The following DPF3 variants were observed in gnomAD, a reference collection of about 807,000 sequenced individuals.
DPF3 encodes the protein double PHD fingers 3, also known as zinc finger protein DPF3.
Under a neutral mutation model 56.8 loss-of-function variants are expected in DPF3, and 18 were observed. That is an observed-to-expected ratio of 0.32 (90% confidence interval 0.22 to 0.47). The LOEUF (loss-of-function observed/expected upper bound fraction) is 0.47, where lower values mean the gene tolerates loss of function less well. DPF3 is among the 20% of genes least tolerant of loss of function. The pLI, the probability that DPF3 is intolerant of heterozygous loss-of-function variation, is 1.00. For missense variants in DPF3, 403 were observed against 488.8 expected (o/e 0.82, Z 1.65); for synonymous variants, 188 against 180.2 (o/e 1.04, Z -0.35).
intron 1 of DPF3, among the ~76,000 whole-genome samples, chr14:72,878,059 C>A (rs1370136056): frequency 6.6e-6 from 1 of 152,122 alleles, no homozygotes; most frequent in Non-Finnish European, 1.5e-5. Flanking sequence ...TCCTGCAGCC[C>A]ATATTTGGCA....
intron 5 of DPF3, among the ~76,000 whole-genome samples, chr14:72,718,961 G>A (rs1328142789): frequency 6.6e-5 from 10 of 151,426 alleles, no homozygotes; most frequent in South Asian, 2.1e-4. Flanking sequence ...TAGTAGAGAC[G>A]GGGTTTCACA....
At chr14:72,662,017 A>C in intron 8 of DPF3, 1 of 985,160 alleles carries the variant, frequency 1.0e-6, no homozygotes, top group South Asian at 4.7e-5. Flanking sequence ...TGACATTCAG[A>C]TAAAAGGGGC....
intron 6 of DPF3, among the ~76,000 whole-genome samples, chr14:72,711,651 A>G (rs1567208142): frequency 6.6e-6 from 1 of 152,088 alleles, no homozygotes; most frequent in Non-Finnish European, 1.5e-5. Flanking sequence ...TCAACCAAGA[A>G]TATATGGGAT....
intron 9 of DPF3, among the ~76,000 whole-genome samples, chr14:72,626,714 C>T (rs935279641): frequency 3.9e-5 from 6 of 152,056 alleles, no homozygotes; most frequent in African/African-American, 1.2e-4. Context: ...AATGCTTAGT[C>T]AAAAGTTAAG....
At chr14:72,832,150 G>A (rs12431975) in intron 1 of DPF3, among the ~76,000 whole-genome samples, 19,808 of 152,144 alleles carry the variant, frequency 0.13, 1,529 homozygotes, top group African/African-American at 0.2. Context: ...CCAGGAGTTC[G>A]AGGCTGCAAT....
chr14:72,879,659 A>G (rs1412504265), intron 1 of DPF3: 9 of 1,003,020 alleles, frequency 9.0e-6, no homozygotes, highest in Non-Finnish European at 1.1e-5. Context: ...GCCTGCCCAG[A>G]GGAAACCGCC....
chr14:72,824,561 T>TTTTGTTTG (rs1555510675), intron 1 of DPF3, among the ~76,000 whole-genome samples: 1 of 151,384 alleles, frequency 6.6e-6, no homozygotes, highest in Non-Finnish European at 1.5e-5. Flanking sequence ...CTTTTTTTTT[T>TTTTGTTTG]TTTGTTTGTT....
chr14:72,862,531 A>C (rs1885479353), intron 1 of DPF3, among the ~76,000 whole-genome samples: 1 of 152,172 alleles, frequency 6.6e-6, no homozygotes, highest in Admixed American at 6.6e-5. Flanking sequence ...TCAACTCAGC[A>C]GCCAGAGTGA....
intron 8 of DPF3, among the ~76,000 whole-genome samples, chr14:72,647,442 A>G (rs1289628611): frequency 1.3e-5 from 2 of 152,196 alleles, no homozygotes; most frequent in Non-Finnish European, 2.9e-5. Flanking sequence ...GGTCTCCTGC[A>G]TAAACAGGAG....
chr14:72,684,498 C>G (rs1268903592), intron 7 of DPF3, among the ~76,000 whole-genome samples: 3 of 94,240 alleles, frequency 3.2e-5, no homozygotes, highest in East Asian at 1.1e-3. Context: ...TCACTTCAGG[C>G]TCAAGCTTTT....
intron 8 of DPF3, among the ~76,000 whole-genome samples, chr14:72,666,487 A>G (rs1375357091): frequency 2.0e-5 from 3 of 152,194 alleles, no homozygotes; most frequent in Admixed American, 6.5e-5. Flanking sequence ...CTTAGGAAAG[A>G]TTATTAGAAG....
chr14:72,798,846 A>C (rs1306640626), intron 1 of DPF3, among the ~76,000 whole-genome samples: 1 of 152,192 alleles, frequency 6.6e-6, no homozygotes, highest in Non-Finnish European at 1.5e-5. Context: ...CTCCTTCCAC[A>C]ATGGCAGAAC....
chr14:72,826,226 C>CT (rs1483680246), intron 1 of DPF3, among the ~76,000 whole-genome samples: 3 of 152,228 alleles, frequency 2.0e-5, no homozygotes, highest in Non-Finnish European at 4.4e-5. Context: ...CCTTATCTCT[C>CT]TAAGACATGC....
At chr14:72,880,392 C>G (rs956486761) in intron 1 of DPF3, among the ~76,000 whole-genome samples, 3 of 152,188 alleles carry the variant, frequency 2.0e-5, no homozygotes, top group Admixed American at 2.0e-4. Flanking sequence ...ACGAGTAACC[C>G]TGAAGACACA....
chr14:72,845,609 C>T (rs1396988479), intron 1 of DPF3, among the ~76,000 whole-genome samples: 1 of 152,098 alleles, frequency 6.6e-6, no homozygotes, highest in Non-Finnish European at 1.5e-5. Context: ...AACATGGCAC[C>T]CAATGCCACT....
chr14:72,812,439 G>T (rs1883091287), intron 1 of DPF3, among the ~76,000 whole-genome samples: 2 of 152,166 alleles, frequency 1.3e-5, no homozygotes, highest in Admixed American at 6.5e-5. Flanking sequence ...AGGAGGCAGG[G>T]TTGGTATTTT....
At position 72,838,909 on chromosome 14, in the gene DPF3, T is replaced by TATA. The variant is rs1491369142; in HGVS notation, c.32+55147_32+55148insTAT. Among the ~76,000 whole-genome samples the TATA allele has an allele frequency of 8.0e-3, 61 of 7,646 alleles. 2 individuals are homozygous for TATA. The highest frequency in any genetic ancestry group is 0.013 in the Non-Finnish European group (50 of 3,770). The allele number at this position is 7,646 out of a possible 152,430, so 5.0% of individuals were successfully genotyped here. A position where few individuals can be genotyped will look rare whatever the true frequency, so the allele number is the denominator to read the frequency against. ...ATCATATATATTATCATATATATTCTTTTTTTTTTTTTTTTTTTTTTTTTT... is the reference window on the plus strand; with the variant it reads ...ATCATATATATTATCATATATATTCTATATTTTTTTTTTTTTTTTTTTTTTTTT... On this transcript the variant is annotated intron_variant, in intron 1 of 10. Transcript: ENST00000556509.
chr14:72,792,418 GAAAAGAAA>G (rs920113141), intron 1 of DPF3, among the ~76,000 whole-genome samples: 3 of 149,868 alleles, frequency 2.0e-5, no homozygotes, highest in South Asian at 4.2e-4. Context: ...GGCAAAAAAA[GAAAAGAAA>G]AAAAGAAAGA....
At chr14:72,773,731 G>A in intron 1 of DPF3, 1 of 430,426 alleles carries the variant, frequency 2.3e-6, no homozygotes, top group South Asian at 1.7e-5. Context: ...TTGTCTTTTT[G>A]TGACTGGCTT....
Sources: allele counts gnomAD v4.1 joint callset (sites outside exome capture counted in the v4.1 genomes callset), GRCh38; gene constraint gnomAD v4.1.1; transcripts MANE v1.5; gene names NCBI Gene and HGNC (gene_info 2026-07-23, HGNC 2026-07-21).